The following GRIK4 variants were observed in gnomAD, a reference collection of about 807,000 sequenced individuals.
GRIK4 encodes glutamate receptor ionotropic, kainate 4.
GRIK4 carries 40 observed loss-of-function variants against 104.9 expected under a neutral mutation model. The observed-to-expected ratio is 0.38, with a 90% CI of 0.30 to 0.50. GRIK4 has a LOEUF of 0.50. GRIK4 is among the 20% of genes least tolerant of loss of function. The pLI, the probability that GRIK4 is intolerant of heterozygous loss-of-function variation, is 0.93. For missense variants in GRIK4, 1,047 were observed against 1,308.1 expected (o/e 0.80, Z 3.08); for synonymous variants, 485 against 524.9 (o/e 0.92, Z 1.04).
intron 8 of GRIK4, among the ~76,000 whole-genome samples, chr11:120,843,537 C>T (rs1311261779): frequency 1.3e-5 from 2 of 152,208 alleles, no homozygotes; most frequent in Admixed American, 6.5e-5. Flanking sequence ...TTGATATTTA[C>T]GTGAGTAAGT....
At chr11:120,912,455 G>A (rs987914248) in intron 13 of GRIK4, among the ~76,000 whole-genome samples, 1 of 152,188 alleles carries the variant, frequency 6.6e-6, no homozygotes, top group East Asian at 1.9e-4. Context: ...ACGGGAGCCC[G>A]TGAAGGCTGC....
At chr11:120,806,215 C>G (rs150885131) in intron 4 of GRIK4, among the ~76,000 whole-genome samples, 3 of 152,134 alleles carry the variant, frequency 2.0e-5, no homozygotes, top group Admixed American at 6.5e-5. Context: ...CAGCCTCCCC[C>G]CTCTCTCTTG....
Position 120,961,743 on chromosome 11 carries a change from C to G in GRIK4, c.2040+669C>G, listed in dbSNP as rs1016021239. On this transcript the variant is annotated intron_variant, in intron 17 of 20. Transcript: ENST00000527524. ...TAGTGGTTTTCATATGCCTCAAGCT[C>G]TCTTGGAAAGCAGGTTTCCCCTGGG... is the stretch of plus-strand genomic sequence containing the variant. Among the ~76,000 whole-genome samples the G allele has an allele frequency of 3.3e-5, 5 of 152,240 alleles. No homozygotes were observed. The South Asian group carries it at 1.0e-3, about 32-fold the overall frequency.
intron 13 of GRIK4, among the ~76,000 whole-genome samples, chr11:120,919,205 T>C (rs957062969): frequency 2.6e-5 from 4 of 150,964 alleles, no homozygotes; most frequent in Non-Finnish European, 4.5e-5. Flanking sequence ...CTGAAATGTA[T>C]GCCAAGTTTA....
intron 18 of GRIK4, 142 bp downstream of exon 18, chr11:120,962,823 GTTTTT>G (rs11306910): frequency 8.9e-6 from 4 of 451,616 alleles, no homozygotes; most frequent in South Asian, 4.3e-5. Context: ...GCATTCTAAA[GTTTTT>G]TTTTTTTTTT....
At chr11:120,978,478 G>A (rs558355399) in intron 19 of GRIK4, among the ~76,000 whole-genome samples, 4 of 152,292 alleles carry the variant, frequency 2.6e-5, no homozygotes, top group Admixed American at 2.6e-4. Context: ...CAACGATGCT[G>A]TGTGCTGGGA....
intron 3 of GRIK4, among the ~76,000 whole-genome samples, chr11:120,787,322 C>G (rs547541583): frequency 1.3e-5 from 2 of 151,894 alleles, no homozygotes; most frequent in Admixed American, 6.5e-5. Flanking sequence ...GAGTGAGACC[C>G]TGTCTCAAAA....
chr11:120,835,884 T>C (rs1292331941), intron 7 of GRIK4, among the ~76,000 whole-genome samples: 1 of 152,224 alleles, frequency 6.6e-6, no homozygotes, highest in African/African-American at 2.4e-5. Flanking sequence ...GGGAGACTCT[T>C]CTGATGTAGC....
At chr11:120,889,392 C>T (rs1304252812) in intron 11 of GRIK4, among the ~76,000 whole-genome samples, 1 of 151,912 alleles carries the variant, frequency 6.6e-6, no homozygotes, top group Non-Finnish European at 1.5e-5. Flanking sequence ...ACTTTTCCTG[C>T]CCATATGTCA....
chr11:120,567,941 A>C (rs1435845296), intron 1 of GRIK4, among the ~76,000 whole-genome samples: 1 of 152,214 alleles, frequency 6.6e-6, no homozygotes, highest in Admixed American at 6.5e-5. Flanking sequence ...ACACTTTGGG[A>C]GGCCGAGGCA....
intron 3 of GRIK4, among the ~76,000 whole-genome samples, chr11:120,781,642 G>T (rs922468337): frequency 6.6e-6 from 1 of 152,178 alleles, no homozygotes; most frequent in Admixed American, 6.5e-5. Context: ...ATGAGCCACC[G>T]TGCCCTGCCC....
At chr11:120,512,545 G>T (rs1416698309) in intron 1 of GRIK4, among the ~76,000 whole-genome samples, 1 of 151,964 alleles carries the variant, frequency 6.6e-6, no homozygotes, top group Admixed American at 6.6e-5. Flanking sequence ...CCTCTTTCCC[G>T]GGGAGAATGG....
At chr11:120,566,087 TG>T (rs1240492918) in intron 1 of GRIK4, among the ~76,000 whole-genome samples, 12 of 152,352 alleles carry the variant, frequency 7.9e-5, no homozygotes, top group African/African-American at 2.4e-4. Flanking sequence ...AATGGCAGCC[TG>T]GATTTGTGCT....
chr11:120,870,419 A>T (rs948597843), intron 9 of GRIK4: 4 of 152,284 alleles, frequency 2.6e-5, no homozygotes, highest in African/African-American at 9.6e-5. Flanking sequence ...GCATTAGAGA[A>T]GCCTGCCCAC....
intron 19 of GRIK4, among the ~76,000 whole-genome samples, chr11:120,971,383 G>A (rs1944472982): frequency 6.6e-6 from 1 of 152,186 alleles, no homozygotes; most frequent in Admixed American, 6.5e-5. Context: ...ATGAACAAGT[G>A]AATGAGCAAG....
chr11:120,962,352 AGCAGAAGGGCCG>A, intron 17 of GRIK4, 92 bp from the exon 18 acceptor site: 1 of 698,346 alleles, frequency 1.4e-6, no homozygotes, highest in Non-Finnish European at 2.5e-6. Context: ...CGGGTGGAGA[AGCAGAAGGGCCG>A]GCATCTTAAG....
chr11:120,923,801 G>A (rs1056958354), intron 13 of GRIK4, among the ~76,000 whole-genome samples: 2 of 152,162 alleles, frequency 1.3e-5, no homozygotes, highest in Non-Finnish European at 2.9e-5. Context: ...AGTTCAGAGA[G>A]GCTAAGTAAC....
intron 9 of GRIK4, chr11:120,871,488 G>A (rs1314719903): frequency 5.0e-6 from 2 of 403,324 alleles, no homozygotes; most frequent in African/African-American, 4.1e-5. Flanking sequence ...GGAGTGTGGT[G>A]GCTCAGCCCA....
chr11:120,740,970 G>A (rs77360636), intron 3 of GRIK4, among the ~76,000 whole-genome samples: 401 of 152,234 alleles, frequency 2.6e-3, no homozygotes, highest in African/African-American at 9.1e-3. Context: ...GGGGTCTTCC[G>A]GCTGGACCAG....
Sources: allele counts gnomAD v4.1 joint callset (sites outside exome capture counted in the v4.1 genomes callset), GRCh38; gene constraint gnomAD v4.1.1; transcripts MANE v1.5; gene names NCBI Gene and HGNC (gene_info 2026-07-23, HGNC 2026-07-21).